Variants in GALNT1 observed in about 807,000 individuals in gnomAD.
GALNT1 encodes GalNAc transferase 1.
Under a neutral mutation model 65.7 loss-of-function variants are expected in GALNT1, and 17 were observed. The observed-to-expected ratio is 0.26, with a 90% confidence interval of 0.18 to 0.39. GALNT1 has a LOEUF of 0.39. Ranked by LOEUF, GALNT1 falls within the 10% of genes least tolerant of loss-of-function variation. The pLI, the probability that GALNT1 is intolerant of heterozygous loss-of-function variation, is 1.00. For synonymous variants in GALNT1, 210 were observed against 219.7 expected (o/e 0.96, Z 0.39); for missense variants, 460 against 672.8 (o/e 0.68, Z 3.50).
intron 1 of GALNT1, among the ~76,000 whole-genome samples, chr18:35,653,512 A>G (rs145872017): frequency 2.0e-5 from 3 of 152,282 alleles, no homozygotes; most frequent in African/African-American, 7.2e-5. Flanking sequence ...TGTAGCTTTC[A>G]GCATAGACAC....
At chr18:35,587,520 C>G (rs1377931636) in intron 1 of GALNT1, among the ~76,000 whole-genome samples, 3 of 152,264 alleles carry the variant, frequency 2.0e-5, no homozygotes, top group South Asian at 2.1e-4. Flanking sequence ...GGAAGTTCCT[C>G]TCTGTTCCTA....
At chr18:35,584,690 G>A (rs764946739) in intron 1 of GALNT1, among the ~76,000 whole-genome samples, 2 of 152,230 alleles carry the variant, frequency 1.3e-5, no homozygotes, top group African/African-American at 2.4e-5. Context: ...GGATGAAACC[G>A]TTACACCTCA....
At chr18:35,670,247 A>G (rs2047614931) in intron 3 of GALNT1, among the ~76,000 whole-genome samples, 1 of 152,108 alleles carries the variant, frequency 6.6e-6, no homozygotes. Flanking sequence ...AGCCATGATT[A>G]CACCACACTG....
chr18:35,663,711 A>T lies in GALNT1; in HGVS notation c.223A>T (p.Met75Leu). 6.2e-7 allele frequency: 1 copy of T among 1,614,084 alleles called. No individual in the cohort carries two copies. Among genetic ancestry groups the T allele is most frequent in the Non-Finnish European group, 8.5e-7 (1 of 1,179,930 alleles). ...VVIPKEDQEK[M>L]KEMFKINQFN... The stretch of plus-strand genomic sequence containing the variant: ...CATTCCTAAAGAGGATCAAGAAAAG[A>T]TGAAAGAGATGTTTAAAATCAATCA... Residue 75 changes from methionine (M) to leucine (L), a missense_variant, in exon 3 of 12, where the codon ATG becomes TTG. Transcript: ENST00000269195.
intron 1 of GALNT1, among the ~76,000 whole-genome samples, chr18:35,600,002 T>C (rs1048886274): frequency 6.6e-6 from 1 of 152,218 alleles, no homozygotes; most frequent in African/African-American, 2.4e-5. Flanking sequence ...TTGCTATGGC[T>C]ATTTGGGGTC....
chr18:35,690,908 C>G (rs2047950663), intron 7 of GALNT1, 104 bp from the exon 8 acceptor site: 2 of 1,079,884 alleles, frequency 1.9e-6, no homozygotes, highest in South Asian at 3.8e-5. Flanking sequence ...TAAACAAAAG[C>G]CAAACCCCTA....
chr18:35,585,286 GT>G (rs1224559723), intron 1 of GALNT1, among the ~76,000 whole-genome samples: 1 of 152,004 alleles, frequency 6.6e-6, no homozygotes, highest in African/African-American at 2.4e-5. Context: ...ACCTTTTTAT[GT>G]GATTTCTTCT....
intron 7 of GALNT1, among the ~76,000 whole-genome samples, chr18:35,690,771 T>C (rs1438850744): frequency 6.6e-6 from 1 of 152,202 alleles, no homozygotes. Flanking sequence ...TGGAACCCAA[T>C]AGATGTCAAT....
intron 3 of GALNT1, among the ~76,000 whole-genome samples, chr18:35,666,509 C>G (rs2047551152): frequency 6.6e-6 from 1 of 152,170 alleles, no homozygotes; most frequent in Non-Finnish European, 1.5e-5. Context: ...CTTCAAGAGC[C>G]TCAATCAACT....
At chr18:35,596,639 C>G (rs148862073) in intron 1 of GALNT1, 3 of 152,130 alleles carry the variant, frequency 2.0e-5, no homozygotes, top group African/African-American at 7.2e-5. Flanking sequence ...AAAATACACC[C>G]TAGAATTTCA....
At chr18:35,677,089 C>T (rs909306270) in intron 3 of GALNT1, among the ~76,000 whole-genome samples, 6 of 152,148 alleles carry the variant, frequency 3.9e-5, no homozygotes, top group Non-Finnish European at 8.8e-5. Context: ...CCCTGTTTCT[C>T]ATCTGTGAAA....
At chr18:35,694,611 G>A (rs2048024303) in intron 9 of GALNT1, among the ~76,000 whole-genome samples, 1 of 152,226 alleles carries the variant, frequency 6.6e-6, no homozygotes, top group Non-Finnish European at 1.5e-5. Flanking sequence ...CGCAGGGTCT[G>A]AAGAGTTACT....
At chr18:35,685,089 CTTT>C (rs1438594500) in intron 5 of GALNT1, among the ~76,000 whole-genome samples, 4 of 152,208 alleles carry the variant, frequency 2.6e-5, no homozygotes, top group Admixed American at 2.6e-4. Flanking sequence ...GAACCAAACT[CTTT>C]TTATGAGGCT....
intron 1 of GALNT1, among the ~76,000 whole-genome samples, chr18:35,589,057 A>G (rs920772171): frequency 6.6e-6 from 1 of 151,912 alleles, no homozygotes; most frequent in African/African-American, 2.4e-5. Flanking sequence ...TTTTGATACC[A>G]CCCTGGCGGG....
chr18:35,668,585 G>A (rs2047582262), intron 3 of GALNT1, among the ~76,000 whole-genome samples: 1 of 152,150 alleles, frequency 6.6e-6, no homozygotes, highest in South Asian at 2.1e-4. Flanking sequence ...CGTAGAGGCA[G>A]GGTGTAGAAT....
intron 11 of GALNT1, among the ~76,000 whole-genome samples, chr18:35,707,179 ATCTG>A (rs1175176002): frequency 1.3e-5 from 2 of 152,236 alleles, no homozygotes; most frequent in Non-Finnish European, 2.9e-5. Flanking sequence ...GACTACTTGT[ATCTG>A]TCCTTTCTGG....
chr18:35,672,714 A>G (rs59325316), intron 3 of GALNT1, among the ~76,000 whole-genome samples: 1,934 of 151,856 alleles, frequency 0.013, 45 homozygotes, highest in African/African-American at 0.045. Flanking sequence ...AACTTTTCTA[A>G]TGTGTGATCT....
At chr18:35,686,983 G>A in intron 5 of GALNT1, 33 bp from the exon 6 acceptor site, 1 of 1,584,366 alleles carries the variant, frequency 6.3e-7, no homozygotes, top group Non-Finnish European at 8.6e-7. Flanking sequence ...GGAATGTTTT[G>A]AAAGATTTCT....
chr18:35,588,227 ATAGT>A (rs748221986), intron 1 of GALNT1, among the ~76,000 whole-genome samples: 2 of 152,124 alleles, frequency 1.3e-5, no homozygotes, highest in Admixed American at 6.6e-5. Context: ...CTCTGTGTTG[ATAGT>A]TCTTTCAGCC....
Sources: allele counts gnomAD v4.1 joint callset (sites outside exome capture counted in the v4.1 genomes callset), GRCh38; gene constraint gnomAD v4.1.1; transcripts MANE v1.5; gene names NCBI Gene and HGNC (gene_info 2026-07-23, HGNC 2026-07-21).